The following CCDC171 variants were observed in gnomAD, a reference collection of about 807,000 sequenced individuals.
The protein encoded by CCDC171 is coiled-coil domain-containing protein 171.
A neutral mutation model predicts 168.2 loss-of-function variants in CCDC171; 177 were observed. The observed-to-expected ratio is 1.05, with a 90% confidence interval of 0.93 to 1.19. The LOEUF (loss-of-function observed/expected upper bound fraction) is 1.19. CCDC171 is among the 50% of genes most tolerant of loss of function. The probability of loss-of-function intolerance (pLI) is 0.00; values close to 1 mark genes in which losing one functional copy is unlikely to be tolerated. For synonymous variants in CCDC171, 687 were observed against 540.8 expected (o/e 1.27, Z -3.75); for missense variants, 1,991 against 1,539.0 (o/e 1.29, Z -4.91).
chr9:15,622,878 C>G (rs1345014864), intron 6 of CCDC171, among the ~76,000 whole-genome samples: 2 of 152,014 alleles, frequency 1.3e-5, no homozygotes, highest in Admixed American at 6.6e-5. Context: ...ATTAGGCATT[C>G]AAGTTAATCA....
intron 3 of CCDC171, among the ~76,000 whole-genome samples, chr9:15,572,571 TTTA>T (rs1309628901): frequency 6.6e-6 from 1 of 152,216 alleles, no homozygotes; most frequent in African/African-American, 2.4e-5. Flanking sequence ...ATAGCTGTAA[TTTA>T]TTGACAGTTA....
intron 9 of CCDC171, among the ~76,000 whole-genome samples, chr9:15,671,591 G>C (rs2049116500): frequency 7.1e-6 from 1 of 140,760 alleles, no homozygotes; most frequent in Non-Finnish European, 1.5e-5. Context: ...TCCCACCTAT[G>C]AGTGACAACA....
chr9:15,939,497 A>G (rs1827479513), intron 25 of CCDC171, among the ~76,000 whole-genome samples: 1 of 151,916 alleles, frequency 6.6e-6, no homozygotes, highest in African/African-American at 2.4e-5. Context: ...GCAGTGATTC[A>G]AAAGAGTTTA....
Position 15,848,925 on chromosome 9 carries a change from C to T in CCDC171, c.3446C>T (p.Ala1149Val). Residue 1149 changes from alanine to valine, a missense_variant, in exon 23 of 26, where the codon GCA becomes GTA. By Grantham distance (64) the Ala-to-Val change is moderately conservative (BLOSUM62 0). Coordinates refer to ENST00000380701, the MANE Select transcript of CCDC171 (RefSeq NM_173550.4). The part of the protein sequence containing the change: ...DKECVANHMR[A>V]VENTLHKVRD... ...GAATGTGTTGCTAATCACATGAGAG[C>T]AGTAGAAAATACGCTTCACAAGGTA... The T allele has an allele frequency of 6.4e-7, 1 of 1,565,134 alleles. No homozygotes were observed. The highest frequency in any genetic ancestry group is 1.2e-5 in the South Asian group (1 of 83,868).
At chr9:15,928,871 CAG>C (rs1332302945) in intron 25 of CCDC171, among the ~76,000 whole-genome samples, 4 of 151,688 alleles carry the variant, frequency 2.6e-5, no homozygotes, top group African/African-American at 9.6e-5. Flanking sequence ...GTATAGGAAA[CAG>C]GGGCCTGGAG....
chr9:15,841,424 A>G (rs2060675837), intron 21 of CCDC171, among the ~76,000 whole-genome samples: 1 of 152,092 alleles, frequency 6.6e-6, no homozygotes, highest in East Asian at 1.9e-4. Flanking sequence ...AGTTTATAGG[A>G]TACCTTAACA....
At chr9:15,791,004 T>G (rs868017819) in intron 21 of CCDC171, among the ~76,000 whole-genome samples, 4,159 of 152,160 alleles carry the variant, frequency 0.027, 185 homozygotes, top group African/African-American at 0.096. Context: ...CTGTAGCCTT[T>G]TAGTGTAGTT....
intron 17 of CCDC171, among the ~76,000 whole-genome samples, chr9:15,745,274 C>T (rs1037559571): frequency 4.6e-5 from 7 of 152,114 alleles, no homozygotes; most frequent in Non-Finnish European, 7.4e-5. Flanking sequence ...AAAAAGCAGA[C>T]TATTAAGTAA....
chr9:16,029,955 C>A (rs1833340237), intron 6 of CCDC171, among the ~76,000 whole-genome samples: 1 of 152,136 alleles, frequency 6.6e-6, no homozygotes, highest in African/African-American at 2.4e-5. Flanking sequence ...GCTGGGAAGT[C>A]CAAGATCAAA....
chr9:15,599,183 C>T (rs2042630460), intron 6 of CCDC171, among the ~76,000 whole-genome samples: 1 of 152,106 alleles, frequency 6.6e-6, no homozygotes, highest in Admixed American at 6.6e-5. Context: ...GAATTTGATC[C>T]TGTCATTATA....
rs1298093460 is a variant in CCDC171, at chr9:15,623,539, GT to G, written c.822+130del. ...CCATTCCGTGATTTAAGATTGGAGAGTTTTACTCTGTGATAATATATAAAAC... is the reference window on the plus strand; with the variant it reads ...CCATTCCGTGATTTAAGATTGGAGAGTTTACTCTGTGATAATATATAAAAC... On this transcript the variant is annotated intron_variant, in intron 7 of 25. Coordinates refer to ENST00000380701, the MANE Select transcript of CCDC171 (RefSeq NM_173550.4). The G allele has an allele frequency of 7.9e-6, 4 of 506,760 alleles. No homozygotes were observed. The Admixed American group carries it at 1.2e-4, about 16-fold the overall frequency. The allele number at this position is 506,760 out of a possible 1,614,324, so 31.4% of individuals were successfully genotyped here. A position where few individuals can be genotyped will look rare whatever the true frequency, so the allele number is the denominator to read the frequency against.
intron 21 of CCDC171, among the ~76,000 whole-genome samples, chr9:15,841,428 C>G (rs2060675958): frequency 6.6e-6 from 1 of 151,890 alleles, no homozygotes. Flanking sequence ...TATAGGATAC[C>G]TTAACATCTG....
chr9:15,786,903 C>T (rs1233431498), intron 21 of CCDC171, among the ~76,000 whole-genome samples: 1 of 152,144 alleles, frequency 6.6e-6, no homozygotes, highest in Non-Finnish European at 1.5e-5. Context: ...TAGCTTTCCA[C>T]TGCCTACCCG....
intron 25 of CCDC171, among the ~76,000 whole-genome samples, chr9:15,935,973 C>T (rs1489119872): frequency 6.6e-6 from 1 of 151,958 alleles, no homozygotes. Context: ...CAGAATGTAA[C>T]AACATTGCAG....
intron 24 of CCDC171, among the ~76,000 whole-genome samples, chr9:15,917,821 G>A (rs1037762893): frequency 6.6e-6 from 1 of 151,660 alleles, no homozygotes; most frequent in Admixed American, 6.6e-5. Context: ...ACTGATGGAA[G>A]GGAACTTTCT....
chr9:15,852,365 ATTTG>A (rs1326212112), intron 23 of CCDC171, among the ~76,000 whole-genome samples: 1 of 151,654 alleles, frequency 6.6e-6, no homozygotes, highest in Non-Finnish European at 1.5e-5. Context: ...ATTATTGATT[ATTTG>A]TTTGTCTTCT....
intron 3 of CCDC171, among the ~76,000 whole-genome samples, chr9:15,992,239 A>T (rs1429800081): frequency 6.6e-6 from 1 of 152,218 alleles, no homozygotes; most frequent in Non-Finnish European, 1.5e-5. Context: ...ACCATGACCA[A>T]GTGGGCTTCA....
chr9:15,673,642 G>C (rs980312523), intron 9 of CCDC171, among the ~76,000 whole-genome samples: 13 of 152,124 alleles, frequency 8.5e-5, no homozygotes, highest in African/African-American at 3.1e-4. Flanking sequence ...TTATGTGATG[G>C]ATTACATTTA....
At chr9:15,669,197 A>G (rs1258871448) in intron 9 of CCDC171, among the ~76,000 whole-genome samples, 1 of 152,200 alleles carries the variant, frequency 6.6e-6, no homozygotes. Context: ...ACATGAAATT[A>G]TTTTAGATGG....
Sources: allele counts gnomAD v4.1 joint callset (sites outside exome capture counted in the v4.1 genomes callset), GRCh38; gene constraint gnomAD v4.1.1; transcripts MANE v1.5; gene names NCBI Gene and HGNC (gene_info 2026-07-23, HGNC 2026-07-21).